The following VWA3A variants were observed in gnomAD, a reference collection of about 807,000 sequenced individuals.
The protein encoded by VWA3A is von Willebrand factor A domain-containing protein 3A.
A neutral mutation model predicts 160.4 loss-of-function variants in VWA3A; 134 were observed. The observed-to-expected ratio is 0.84, with a 90% CI of 0.73 to 0.96. The LOEUF (loss-of-function observed/expected upper bound fraction) is 0.96. Among genes scored for constraint, VWA3A ranks in the 40% least tolerant of loss-of-function variants. The probability of loss-of-function intolerance (pLI) is 0.00; values close to 1 mark genes in which losing one functional copy is unlikely to be tolerated. For synonymous variants in VWA3A, 476 were observed against 543.4 expected (o/e 0.88, Z 1.72); for missense variants, 1,310 against 1,447.9 (o/e 0.90, Z 1.55).
At chr16:22,115,918 G>A (rs1442197625) in intron 9 of VWA3A, among the ~76,000 whole-genome samples, 3 of 31,390 alleles carry the variant, frequency 9.6e-5, no homozygotes, top group Non-Finnish European at 4.5e-5. Flanking sequence ...AGGAAGGAAG[G>A]AAGGAAAGGA....
intron 31 of VWA3A, among the ~76,000 whole-genome samples, chr16:22,154,960 C>CAAAAAAAAAAAAAAA (rs747770335): frequency 9.2e-5 from 5 of 54,434 alleles, no homozygotes; most frequent in South Asian, 5.8e-4. Flanking sequence ...GACTCCGTCT[C>CAAAAAAAAAAAAAAA]AAAAAAAAAA....
intron 22 of VWA3A, 125 bp downstream of exon 22, chr16:22,138,637 T>G: frequency 7.7e-7 from 1 of 1,300,134 alleles, no homozygotes; most frequent in Non-Finnish European, 1.0e-6. Flanking sequence ...GTGAGTGTCC[T>G]GTGGGTGCCT....
chr16:22,142,400 A>G (rs1242548569), intron 24 of VWA3A, among the ~76,000 whole-genome samples: 1 of 152,026 alleles, frequency 6.6e-6, no homozygotes, highest in Non-Finnish European at 1.5e-5. Flanking sequence ...ATGTGCAGAG[A>G]TCACATGGAG....
chr16:22,097,539 G>T, intron 2 of VWA3A, 33 bp from the exon 3 acceptor site: 1 of 1,549,212 alleles, frequency 6.5e-7, no homozygotes. Context: ...GCCCAGTGCT[G>T]GGGCATTGAT....
chr16:22,100,280 C>T lies in VWA3A; in HGVS notation c.312C>T (p.Leu104=), dbSNP rs375263855. The change falls in exon 4 of 34, where the codon CTC becomes CTT. Residue 104 remains leucine, a synonymous_variant. Transcript: ENST00000389398. ...CTCACAGTTTAAAATGTCAGAAACTCACCTTGGCTGACCTGATAAGCCAGG... is the reference window on the plus strand; with the variant it reads ...CTCACAGTTTAAAATGTCAGAAACTTACCTTGGCTGACCTGATAAGCCAGG... The part of the protein sequence containing the change: ...LSAHSLKCQK[L]TLADLISQGT... 3.2e-5 allele frequency: 50 copies of T among 1,551,368 alleles called. No homozygotes were observed. The highest frequency in any genetic ancestry group is 3.9e-5 in the Non-Finnish European group (45 of 1,146,972).
intron 6 of VWA3A, 25 bp from the exon 7 acceptor site, chr16:22,109,457 T>C: frequency 6.4e-7 from 1 of 1,558,686 alleles, no homozygotes; most frequent in Non-Finnish European, 8.7e-7. Context: ...CACTGGCTGT[T>C]TCCAAATGCC....
intron 3 of VWA3A, among the ~76,000 whole-genome samples, chr16:22,099,211 G>C (rs1039083750): frequency 6.6e-6 from 1 of 152,156 alleles, no homozygotes; most frequent in Non-Finnish European, 1.5e-5. Context: ...TATTTCCCTA[G>C]ATATGCGACA....
chr16:22,123,249 A>T, intron 15 of VWA3A, 84 bp downstream of exon 15: 1 of 1,327,898 alleles, frequency 7.5e-7, no homozygotes. Context: ...GAAGTCACCA[A>T]GCCATTGACT....
intron 21 of VWA3A, among the ~76,000 whole-genome samples, chr16:22,135,267 C>T (rs998625723): frequency 1.2e-4 from 19 of 152,088 alleles, no homozygotes; most frequent in Non-Finnish European, 2.1e-4. Flanking sequence ...TCCTTGTCAC[C>T]AGCAATCTCT....
At chr16:22,126,064 A>G in intron 16 of VWA3A, 114 bp from the exon 17 acceptor site, 1 of 1,462,466 alleles carries the variant, frequency 6.8e-7, no homozygotes, top group East Asian at 2.5e-5. Flanking sequence ...TTGGCCAGCT[A>G]TGAATTTGGC....
intron 33 of VWA3A, 49 bp downstream of exon 33, chr16:22,155,965 C>T: frequency 1.3e-6 from 2 of 1,569,876 alleles, no homozygotes; most frequent in Non-Finnish European, 1.7e-6. Flanking sequence ...CACTAAGCAC[C>T]AAGTGGCATG....
At chr16:22,113,850 C>T (rs2045592769) in intron 8 of VWA3A, among the ~76,000 whole-genome samples, 1 of 151,154 alleles carries the variant, frequency 6.6e-6, no homozygotes, top group Non-Finnish European at 1.5e-5. Flanking sequence ...CCTCCCGCCT[C>T]AGCCTCCCAA....
intron 6 of VWA3A, among the ~76,000 whole-genome samples, chr16:22,108,845 A>G (rs2045515146): frequency 6.6e-6 from 1 of 152,224 alleles, no homozygotes; most frequent in African/African-American, 2.4e-5. Flanking sequence ...TTTTCCACTT[A>G]TGATGGGTTT....
intron 6 of VWA3A, 86 bp from the exon 7 acceptor site, chr16:22,109,396 T>C: frequency 1.8e-6 from 2 of 1,129,196 alleles, no homozygotes; most frequent in South Asian, 1.3e-5. Flanking sequence ...GGAAAGTGTT[T>C]GCATCACTGC....
At chr16:22,115,934 A>C (rs2045632468) in intron 9 of VWA3A, among the ~76,000 whole-genome samples, 1 of 41,138 alleles carries the variant, frequency 2.4e-5, no homozygotes, top group East Asian at 1.5e-3. Context: ...AAGGAAAGGA[A>C]AGGAAGGGAG....
At position 22,126,296 on chromosome 16, in the gene VWA3A, G is replaced by A. The variant is rs770519405; in HGVS notation, c.1651G>A (p.Ala551Thr). 1.3e-5 allele frequency: 21 copies of A among 1,610,838 alleles called. No homozygotes were observed. Among genetic ancestry groups the A allele is most frequent in the East Asian group, 1.1e-4 (5 of 44,800 alleles). ...LSNKDCFNLI[A>T]FGSTIESWRP... ...CAACAAGGACTGTTTCAACCTCATCGCGTATGTGTCTCCTGGCTCCTGGGG... is the reference window on the plus strand; with the variant it reads ...CAACAAGGACTGTTTCAACCTCATCACGTATGTGTCTCCTGGCTCCTGGGG... Residue 551 changes from alanine to threonine, a missense_variant and splice_region_variant, in exon 17 of 34, where the codon GCG (alanine) becomes ACG (threonine). By Grantham distance (58) the Ala-to-Thr change is moderately conservative (BLOSUM62 0). Transcript: ENST00000389398.
intron 17 of VWA3A, among the ~76,000 whole-genome samples, chr16:22,128,242 C>T (rs2045886411): frequency 6.6e-6 from 1 of 152,064 alleles, no homozygotes; most frequent in Admixed American, 6.5e-5. Flanking sequence ...CAAATACAAT[C>T]GGGTTTGCGT....
At chr16:22,155,453 T>G (rs778696953) in intron 31 of VWA3A, 114 bp from the exon 32 acceptor site, 14 of 894,408 alleles carry the variant, frequency 1.6e-5, no homozygotes, top group Non-Finnish European at 2.6e-5. Flanking sequence ...CTCACAAGAT[T>G]TCCTGCACTG....
chr16:22,123,052 C>T, intron 14 of VWA3A, 33 bp from the exon 15 acceptor site: 2 of 1,560,220 alleles, frequency 1.3e-6, no homozygotes, highest in Non-Finnish European at 1.7e-6. Context: ...CTTCTGTTCG[C>T]CTGCTCACCC....
Sources: gnomAD v4.1 joint callset for allele counts (sites outside exome capture counted in the v4.1 genomes callset) on GRCh38, gnomAD v4.1.1 for gene constraint, MANE v1.5 for transcripts, NCBI Gene and HGNC (gene_info 2026-07-23, HGNC 2026-07-21) for gene names.